The following RPS6KC1 variants were observed in gnomAD, a reference collection of about 807,000 sequenced individuals.
RPS6KC1 encodes the protein ribosomal protein S6 kinase C1.
RPS6KC1 carries 54 observed loss-of-function variants against 103.8 expected under a neutral mutation model. That is an observed-to-expected ratio of 0.52 (90% CI 0.42 to 0.65). The LOEUF is 0.65. Among genes scored for constraint, RPS6KC1 ranks in the 30% least tolerant of loss-of-function variants. The probability of loss-of-function intolerance (pLI) is 0.00; values close to 1 mark genes in which losing one functional copy is unlikely to be tolerated. For missense variants in RPS6KC1, 1,151 were observed against 1,253.8 expected (o/e 0.92, Z 1.24); for synonymous variants, 439 against 438.7 (o/e 1.00, Z -0.01).
the RPS6KC1 span, among the ~76,000 whole-genome samples, chr1:213,857,344 C>A: frequency 3.9e-5 from 6 of 152,192 alleles, no homozygotes; most frequent in African/African-American, 1.4e-4. Context: ...TCTACCAGGG[C>A]AAGAATCTTT....
intron 14 of RPS6KC1, among the ~76,000 whole-genome samples, chr1:213,267,335 C>T (rs2094935063): frequency 6.6e-6 from 1 of 151,438 alleles, no homozygotes; most frequent in East Asian, 1.9e-4. Flanking sequence ...CTGCACATTA[C>T]AATGCAGTGG....
chr1:213,692,738 G>A, the RPS6KC1 span, among the ~76,000 whole-genome samples: 3 of 152,190 alleles, frequency 2.0e-5, no homozygotes, highest in Non-Finnish European at 2.9e-5. Flanking sequence ...TAATGCACAT[G>A]CTTGAGCCTA....
intron 12 of RPS6KC1, among the ~76,000 whole-genome samples, chr1:213,243,830 T>A (rs2094406582): frequency 6.6e-6 from 1 of 152,200 alleles, no homozygotes; most frequent in South Asian, 2.1e-4. Context: ...AGCTAACTAG[T>A]GTATTGATGC....
Position 213,241,046 on chromosome 1 carries a change from A to C in RPS6KC1, c.1570A>C (p.Ile524Leu), listed in dbSNP as rs572714784. 2.6e-5 allele frequency: 42 copies of C among 1,613,502 alleles called. No individual in the cohort carries two copies. The South Asian group carries it at 4.5e-4, about 17-fold the overall frequency. The change falls in exon 11 of 15, where the codon ATT becomes CTT. Residue 524 changes from isoleucine to leucine, a missense_variant. Ile to Leu is a conservative substitution (Grantham distance 5). Around this residue, in one of 3 missense-constraint regions of RPS6KC1, gnomAD observed 959 missense variants for 1,006.3 expected, o/e 0.95. Transcript: ENST00000366960. ...ATGCAATGAATATGGGCAAGAAAAG[A>C]TTGAACCAGGGTCTTTGAATGAGGA... Reference protein sequence around the residue: ...TLCNEYGQEKIEPGSLNEEPF... With the variant: ...TLCNEYGQEKLEPGSLNEEPF...
chr1:213,265,534 C>T (rs2094892647), intron 14 of RPS6KC1, among the ~76,000 whole-genome samples: 1 of 151,936 alleles, frequency 6.6e-6, no homozygotes, highest in Non-Finnish European at 1.5e-5. Flanking sequence ...TGGTGCCTTC[C>T]ACATTTTAGT....
the RPS6KC1 span, among the ~76,000 whole-genome samples, chr1:213,369,499 A>G: frequency 1.3e-5 from 2 of 152,226 alleles, no homozygotes; most frequent in African/African-American, 4.8e-5. Context: ...AATGCAGCCA[A>G]GCTCGCAATT....
chr1:213,249,488 G>A (rs77701550), intron 12 of RPS6KC1, among the ~76,000 whole-genome samples: 3,380 of 152,288 alleles, frequency 0.022, 120 homozygotes, highest in African/African-American at 0.077. Context: ...ATAGCCATGC[G>A]TGTAGCTCTC....
the RPS6KC1 span, among the ~76,000 whole-genome samples, chr1:213,469,141 CT>C: frequency 5.3e-5 from 8 of 152,250 alleles, no homozygotes; most frequent in African/African-American, 1.9e-4. Context: ...CAGGGACTTT[CT>C]TATTCCATGT....
chr1:213,151,665 T>A (rs2088955342), intron 6 of RPS6KC1, among the ~76,000 whole-genome samples: 1 of 71,926 alleles, frequency 1.4e-5, no homozygotes, highest in South Asian at 6.3e-4. Context: ...CACTTCCCAG[T>A]AGGGGCGGCC....
chr1:213,368,146 A>T, the RPS6KC1 span, among the ~76,000 whole-genome samples: 2 of 152,242 alleles, frequency 1.3e-5, no homozygotes, highest in Admixed American at 1.3e-4. Context: ...CTTTTACCTT[A>T]GGAACAGAAT....
At chr1:213,182,079 G>A (rs1238179241) in intron 8 of RPS6KC1, among the ~76,000 whole-genome samples, 2 of 152,152 alleles carry the variant, frequency 1.3e-5, no homozygotes, top group Admixed American at 6.5e-5. Context: ...ATAAAGGAAG[G>A]TAAAGTTTTT....
At chr1:213,173,232 G>A (rs1286734910) in intron 7 of RPS6KC1, among the ~76,000 whole-genome samples, 1 of 152,116 alleles carries the variant, frequency 6.6e-6, no homozygotes, top group East Asian at 1.9e-4. Context: ...TTTTTTTATT[G>A]ATGATTTTAT....
At chr1:213,769,435 T>C in the RPS6KC1 span, among the ~76,000 whole-genome samples, 3 of 152,010 alleles carry the variant, frequency 2.0e-5, no homozygotes, top group Non-Finnish European at 4.4e-5. Flanking sequence ...GTTTAGAGGA[T>C]GTCTGGAGGA....
intron 3 of RPS6KC1, among the ~76,000 whole-genome samples, chr1:213,100,769 T>A (rs2081951212): frequency 6.6e-6 from 1 of 152,192 alleles, no homozygotes; most frequent in South Asian, 2.1e-4. Flanking sequence ...ATTATTTCAT[T>A]CTTTTTTATG....
the RPS6KC1 span, among the ~76,000 whole-genome samples, chr1:213,697,552 C>T: frequency 2.0e-5 from 3 of 152,180 alleles, no homozygotes; most frequent in Admixed American, 6.5e-5. Flanking sequence ...TCATTTGGCT[C>T]CTTCTCCAGC....
the RPS6KC1 span, among the ~76,000 whole-genome samples, chr1:213,367,389 C>T: frequency 2.6e-5 from 4 of 152,180 alleles, no homozygotes; most frequent in South Asian, 2.1e-4. Context: ...AAAAATCCTC[C>T]GGCTGCTTTG....
the RPS6KC1 span, among the ~76,000 whole-genome samples, chr1:213,801,341 C>A: frequency 6.6e-6 from 1 of 152,314 alleles, no homozygotes; most frequent in South Asian, 2.1e-4. Context: ...TTTATCTCTT[C>A]TCTAAGACAT....
chr1:213,189,023 G>A (rs2092649285), intron 8 of RPS6KC1, among the ~76,000 whole-genome samples: 1 of 152,102 alleles, frequency 6.6e-6, no homozygotes, highest in Non-Finnish European at 1.5e-5. Flanking sequence ...ATAGAGAACA[G>A]CATACAAAAT....
At chr1:213,127,115 G>C (rs2148974688) in intron 5 of RPS6KC1, among the ~76,000 whole-genome samples, 1 of 152,052 alleles carries the variant, frequency 6.6e-6, no homozygotes, top group East Asian at 1.9e-4. Flanking sequence ...TAGATCACTG[G>C]CTCTCAAATG....
Sources: allele counts gnomAD v4.1 joint callset (sites outside exome capture counted in the v4.1 genomes callset), GRCh38; gene constraint gnomAD v4.1.1; regional missense constraint gnomAD v4.1.1; transcripts MANE v1.5; gene names NCBI Gene and HGNC (gene_info 2026-07-23, HGNC 2026-07-21).